Variants in TASP1 observed in about 807,000 individuals in gnomAD.
TASP1 encodes threonine aspartase 1.
Under a neutral mutation model 56.6 loss-of-function variants are expected in TASP1, and 16 were observed. The observed-to-expected ratio is 0.28, with a 90% CI of 0.19 to 0.43. TASP1 has a LOEUF of 0.43. Ranked by LOEUF, TASP1 falls within the 20% of genes least tolerant of loss-of-function variation. The pLI, the probability that TASP1 is intolerant of heterozygous loss-of-function variation, is 1.00. For synonymous variants in TASP1, 179 were observed against 184.2 expected (o/e 0.97, Z 0.23); for missense variants, 393 against 511.6 (o/e 0.77, Z 2.24).
chr20:13,201,210 G>A, the TASP1 span, among the ~76,000 whole-genome samples: 1 of 152,208 alleles, frequency 6.6e-6, no homozygotes. Context: ...GCACAACTGC[G>A]GGGAGAATGG....
the TASP1 span, among the ~76,000 whole-genome samples, chr20:13,268,155 C>T: frequency 0.018 from 1,237 of 68,842 alleles, 14 homozygotes; most frequent in African/African-American, 0.061. Flanking sequence ...TCTTCTCTTC[C>T]CTTCCCTTCT....
At chr20:13,171,590 C>T in the TASP1 span, among the ~76,000 whole-genome samples, 1 of 152,036 alleles carries the variant, frequency 6.6e-6, no homozygotes, top group Non-Finnish European at 1.5e-5. Flanking sequence ...TAAAGTGGGT[C>T]CATTTCTAGT....
At chr20:13,406,671 T>TC (rs2041934475) in intron 13 of TASP1, among the ~76,000 whole-genome samples, 2 of 146,574 alleles carry the variant, frequency 1.4e-5, no homozygotes, top group African/African-American at 4.9e-5. Context: ...GTTTTTTCTT[T>TC]TTTTTTTTTT....
chr20:13,575,369 G>C (rs1050643423), intron 6 of TASP1, among the ~76,000 whole-genome samples: 1 of 152,178 alleles, frequency 6.6e-6, no homozygotes, highest in Non-Finnish European at 1.5e-5. Flanking sequence ...TCATGGGAGG[G>C]ACCCAGTGGG....
chr20:13,412,313 C>A (rs1212760597), intron 13 of TASP1, among the ~76,000 whole-genome samples: 1 of 152,206 alleles, frequency 6.6e-6, no homozygotes, highest in Non-Finnish European at 1.5e-5. Flanking sequence ...CCTCCTCCTG[C>A]TGCTCTGCCA....
intron 11 of TASP1, among the ~76,000 whole-genome samples, chr20:13,452,783 A>C (rs529925530): frequency 6.6e-6 from 1 of 152,198 alleles, no homozygotes; most frequent in South Asian, 2.1e-4. Flanking sequence ...AATGGGTTGA[A>C]CTTGGTTCAA....
At chr20:13,130,670 C>G in the TASP1 span, among the ~76,000 whole-genome samples, 1 of 152,214 alleles carries the variant, frequency 6.6e-6, no homozygotes. Flanking sequence ...TCCATATGCA[C>G]CAAGACCCTT....
In TASP1 at chr20:13,439,077, C is replaced by T. The variant is rs988728557; in HGVS notation, c.986-3923G>A. On this transcript the variant is annotated intron_variant, in intron 11 of 13. Coordinates refer to ENST00000337743, the MANE Select transcript of TASP1 (RefSeq NM_017714.3). ...TTGGTGGGACTGTAAACTAGTTCAACCATTGTGGAAGTCAGTGTGGCGATT... is the reference window on the plus strand; with the variant it reads ...TTGGTGGGACTGTAAACTAGTTCAATCATTGTGGAAGTCAGTGTGGCGATT... Among the ~76,000 whole-genome samples, 89 of 152,230 alleles carry T rather than the reference C, an allele frequency of 5.8e-4. No individual in the cohort carries two copies. The Middle Eastern group carries it at 0.01, about 17-fold the overall frequency.
chr20:13,552,862 T>G (rs2046025643), intron 8 of TASP1, among the ~76,000 whole-genome samples: 1 of 152,234 alleles, frequency 6.6e-6, no homozygotes, highest in Admixed American at 6.5e-5. Context: ...TACTTTTTTC[T>G]GTTTCCATAC....
At chr20:13,328,467 C>G in the TASP1 span, among the ~76,000 whole-genome samples, 16 of 151,984 alleles carry the variant, frequency 1.1e-4, no homozygotes, top group African/African-American at 3.6e-4. Flanking sequence ...TATATACCCC[C>G]CAAAATATAA....
the TASP1 span, among the ~76,000 whole-genome samples, chr20:13,173,001 T>A: frequency 2.6e-5 from 4 of 152,174 alleles, no homozygotes; most frequent in African/African-American, 9.6e-5. Context: ...CCAGGCTATT[T>A]CCAGCCTGTG....
chr20:13,161,428 TACAG>T, the TASP1 span, among the ~76,000 whole-genome samples: 1 of 152,152 alleles, frequency 6.6e-6, no homozygotes, highest in African/African-American at 2.4e-5. Context: ...GAGGGATCCT[TACAG>T]CCAACAGTAG....
chr20:13,371,891 G>T, the TASP1 span, among the ~76,000 whole-genome samples: 7 of 152,006 alleles, frequency 4.6e-5, no homozygotes, highest in African/African-American at 1.7e-4. Flanking sequence ...TCATTACATT[G>T]TATGCCCTTT....
intron 10 of TASP1, among the ~76,000 whole-genome samples, chr20:13,502,601 G>A (rs1239007586): frequency 6.6e-6 from 1 of 152,078 alleles, no homozygotes; most frequent in Non-Finnish European, 1.5e-5. Context: ...TCAAAATAGT[G>A]GTTACCCATG....
At chr20:13,541,910 C>T (rs892773050) in intron 8 of TASP1, among the ~76,000 whole-genome samples, 5 of 151,634 alleles carry the variant, frequency 3.3e-5, no homozygotes, top group Non-Finnish European at 5.9e-5. Context: ...CCAGGCATGG[C>T]GGTGTGTGCC....
chr20:13,364,317 T>C, the TASP1 span, among the ~76,000 whole-genome samples: 1 of 152,118 alleles, frequency 6.6e-6, no homozygotes, highest in African/African-American at 2.4e-5. Context: ...GTAAGAAGTA[T>C]GAATGTGCTG....
At chr20:13,542,152 T>C (rs2045647890) in intron 8 of TASP1, among the ~76,000 whole-genome samples, 1 of 151,592 alleles carries the variant, frequency 6.6e-6, no homozygotes, top group African/African-American at 2.4e-5. Flanking sequence ...GCCTAAAGCA[T>C]AAGTATATGG....
chr20:13,240,970 G>T, the TASP1 span, among the ~76,000 whole-genome samples: 1 of 152,066 alleles, frequency 6.6e-6, no homozygotes, highest in African/African-American at 2.4e-5. Flanking sequence ...GGGAGGCTGT[G>T]AAGTGGACAG....
chr20:13,386,612 A>T (rs1252970679), downstream of TASP1, among the ~76,000 whole-genome samples: 2 of 152,014 alleles, frequency 1.3e-5, no homozygotes, highest in Non-Finnish European at 2.9e-5. Context: ...CCAGTGTCAA[A>T]ACAGAGTGAC....
Sources: allele counts gnomAD v4.1 joint callset (sites outside exome capture counted in the v4.1 genomes callset), GRCh38; gene constraint gnomAD v4.1.1; transcripts MANE v1.5; gene names NCBI Gene and HGNC (gene_info 2026-07-23, HGNC 2026-07-21).